The following SEMA3F variants were observed in gnomAD, a reference collection of about 807,000 sequenced individuals.
The protein encoded by SEMA3F is semaphorin-3F.
SEMA3F carries 30 observed loss-of-function variants against 98.5 expected under a neutral mutation model. That is an observed-to-expected ratio of 0.30 (90% CI 0.23 to 0.41). The LOEUF (loss-of-function observed/expected upper bound fraction) is 0.41. Among genes scored for constraint, SEMA3F ranks in the 10% least tolerant of loss-of-function variants. SEMA3F has a pLI of 1.00. For missense variants in SEMA3F, 866 were observed against 1,119.3 expected (o/e 0.77, Z 3.23); for synonymous variants, 380 against 444.8 (o/e 0.85, Z 1.83).
rs1384528892 is a variant in SEMA3F at position 50,187,707 on chromosome 3, T to A, written c.1950T>A (p.Ile650=). Residue 650 remains isoleucine, a splice_region_variant and synonymous_variant, in exon 19 of 19, where the codon ATT becomes ATA. Transcript: ENST00000002829. ...QRDPGDRRRE[I]RAEDRFLRTE... is the part of the protein sequence containing the mutation. ...ACCCCCTCTCCTTGCCCCTGCAGAT[T>A]CGTGCAGAGGACCGCTTCCTGCGCA... 1.9e-6 allele frequency: 3 copies of A among 1,582,470 alleles called. No individual in the cohort carries two copies. The highest frequency in any genetic ancestry group is 2.6e-6 in the Non-Finnish European group (3 of 1,158,808).
intron 2 of SEMA3F, among the ~76,000 whole-genome samples, chr3:50,168,973 G>C (rs1439611618): frequency 6.6e-6 from 1 of 152,190 alleles, no homozygotes; most frequent in Non-Finnish European, 1.5e-5. Flanking sequence ...GAGGTCAGAG[G>C]TCTGAGCTAG....
At chr3:50,164,786 G>A (rs1698340841) in intron 2 of SEMA3F, among the ~76,000 whole-genome samples, 1 of 152,246 alleles carries the variant, frequency 6.6e-6, no homozygotes, top group African/African-American at 2.4e-5. Flanking sequence ...TGTCTTGCTT[G>A]CATCCTGGCC....
At chr3:50,175,705 C>T (rs1406788132) in intron 6 of SEMA3F, among the ~76,000 whole-genome samples, 1 of 140,688 alleles carries the variant, frequency 7.1e-6, no homozygotes, top group Non-Finnish European at 1.6e-5. Context: ...GCTGGGAGAG[C>T]TGGGGCTGGG....
intron 17 of SEMA3F, 25 bp from the exon 18 acceptor site, chr3:50,186,588 T>C (rs763814047): frequency 6.3e-6 from 10 of 1,576,370 alleles, no homozygotes; most frequent in South Asian, 1.1e-5. Flanking sequence ...GATGCTGCTT[T>C]TGCTCAACCC....
At chr3:50,165,803 G>T (rs945557146) in intron 2 of SEMA3F, among the ~76,000 whole-genome samples, 4 of 152,250 alleles carry the variant, frequency 2.6e-5, no homozygotes, top group African/African-American at 9.6e-5. Context: ...CTGCTGGGCA[G>T]CCCCAGGGAG....
chr3:50,183,330 C>T, intron 11 of SEMA3F, 75 bp downstream of exon 11: 2 of 1,604,000 alleles, frequency 1.2e-6, no homozygotes, highest in Non-Finnish European at 1.7e-6. Flanking sequence ...AGAACCCCAG[C>T]CCGGTGGCGA....
At chr3:50,187,559 G>A in intron 18 of SEMA3F, 146 bp from the exon 19 acceptor site, 1 of 529,304 alleles carries the variant, frequency 1.9e-6, no homozygotes, top group Non-Finnish European at 3.2e-6. Flanking sequence ...TCATTATGTA[G>A]AAACTTCATG....
intron 1 of SEMA3F, 34 bp from the exon 2 acceptor site, chr3:50,159,541 C>A: frequency 1.2e-6 from 1 of 806,754 alleles, no homozygotes; most frequent in Non-Finnish European, 2.1e-6. Context: ...CCCCCATCTG[C>A]CTCACACATT....
chr3:50,180,461 C>G (rs562843390), intron 7 of SEMA3F, among the ~76,000 whole-genome samples: 2 of 152,182 alleles, frequency 1.3e-5, no homozygotes, highest in African/African-American at 4.8e-5. Flanking sequence ...TGGCCCATTT[C>G]TAGCTTTTGA....
intron 15 of SEMA3F, 83 bp from the exon 16 acceptor site, chr3:50,185,806 A>G (rs1699190805): frequency 6.2e-7 from 1 of 1,605,922 alleles, no homozygotes; most frequent in African/African-American, 1.3e-5. Flanking sequence ...GGCATGGAAC[A>G]GGGGAGAGGA....
chr3:50,167,857 G>C (rs1049610106), intron 2 of SEMA3F, among the ~76,000 whole-genome samples: 2 of 152,152 alleles, frequency 1.3e-5, no homozygotes, highest in East Asian at 3.9e-4. Context: ...CTGGCCTTCG[G>C]TTCCTCTGCT....
At chr3:50,169,501 C>A (rs1030698005) in intron 2 of SEMA3F, among the ~76,000 whole-genome samples, 2 of 152,192 alleles carry the variant, frequency 1.3e-5, no homozygotes, top group African/African-American at 4.8e-5. Flanking sequence ...CCGGATGTCA[C>A]CCCTCCCAAC....
Position 50,182,916 on chromosome 3 carries a change from G to A in SEMA3F, c.916G>A (p.Gly306Ser). 1 of 1,613,910 alleles carries A rather than the reference G, an allele frequency of 6.2e-7. No homozygotes were observed. The change falls in exon 10 of 19, where the codon GGT (glycine) becomes AGT (serine). Residue 306 changes from glycine to serine, a missense_variant. Transcript: ENST00000002829. The surrounding 1 kb of genome is among the most constrained non-coding windows in gnomAD (Gnocchi z 4.5). The part of the protein sequence containing the change: ...IGRICLNDDG[G>S]HCCLVNKWST... ...CCCCACCCCCCAGAACGATGACGGT[G>A]GTCACTGTTGCCTGGTCAACAAGTG...
Position 50,182,669 on chromosome 3 carries a change from C to T in SEMA3F, c.789C>T (p.Leu263=), listed in dbSNP as rs1228816434. ...LNDPSFIHAE[L]IPDSAERNDD... is the part of the protein sequence containing the mutation. ...ACCCGTCGTTCATCCATGCTGAGCTCATTCCTGACAGTGCGGAGCGCAATG... is the reference window on the plus strand; with the variant it reads ...ACCCGTCGTTCATCCATGCTGAGCTTATTCCTGACAGTGCGGAGCGCAATG... Residue 263 remains leucine (L), a synonymous_variant, in exon 9 of 19, where the codon CTC becomes CTT. Coordinates refer to ENST00000002829, the MANE Select transcript of SEMA3F (RefSeq NM_004186.5). This position sits in a 1 kb window ranked among gnomAD's most constrained non-coding sequence, Gnocchi z 4.5. 6.2e-7 allele frequency: 1 copy of T among 1,613,660 alleles called. No homozygotes were observed. Among genetic ancestry groups the T allele is most frequent in the Non-Finnish European group, 8.5e-7 (1 of 1,179,988 alleles).
At chr3:50,170,728 C>T (rs1229958064) in intron 2 of SEMA3F, among the ~76,000 whole-genome samples, 6 of 152,092 alleles carry the variant, frequency 3.9e-5, no homozygotes, top group Non-Finnish European at 7.4e-5. Context: ...GAAACTCAAG[C>T]CATAGCCAAG....
In SEMA3F at chr3:50,159,631, C is replaced by T. The variant is rs201913041; in HGVS notation, c.9C>T (p.Val3=). Residue 3 remains valine (V), a synonymous_variant, in exon 2 of 19, where the codon GTC becomes GTT. Coordinates refer to ENST00000002829, the MANE Select transcript of SEMA3F (RefSeq NM_004186.5). ...CCTAGGCCCCTCCCACAATGCTTGT[C>T]GCCGGTCTTCTTCTCTGGGCTTCCC... ML[V]AGLLLWASLL... is the part of the protein sequence containing the mutation. The T allele has an allele frequency of 7.5e-6, 12 of 1,607,298 alleles. No homozygotes were observed. The highest frequency in any genetic ancestry group is 9.4e-6 in the Non-Finnish European group (11 of 1,176,084).
rs1699033368 is a variant in SEMA3F at position 50,182,021 on chromosome 3, C to G, written c.644-263C>G. ...TCTTCCTGATTTTGCTTTCAGTGAC[C>G]TCAGGTTGGTAGCTTGAAATTAGTT... On this transcript the variant is annotated intron_variant, in intron 7 of 18. Coordinates refer to ENST00000002829, the MANE Select transcript of SEMA3F (RefSeq NM_004186.5). The surrounding 1 kb of genome is among the most constrained non-coding windows in gnomAD (Gnocchi z 4.5). Among the ~76,000 whole-genome samples, 1 of 152,220 alleles carries G rather than the reference C, an allele frequency of 6.6e-6. No individual in the cohort carries two copies. Among genetic ancestry groups the G allele is most frequent in the Non-Finnish European group, 1.5e-5 (1 of 68,042 alleles).
chr3:50,163,983 C>T (rs913049233), intron 2 of SEMA3F, among the ~76,000 whole-genome samples: 1 of 152,184 alleles, frequency 6.6e-6, no homozygotes, highest in African/African-American at 2.4e-5. Flanking sequence ...TGGAAGTGGC[C>T]GCTTTGGAGT....
intron 6 of SEMA3F, among the ~76,000 whole-genome samples, chr3:50,176,402 G>A (rs1206294747): frequency 3.3e-5 from 5 of 152,218 alleles, no homozygotes; most frequent in African/African-American, 9.6e-5. Flanking sequence ...GCAAAGAGCT[G>A]TGCCTCTGTA....
Sources: allele counts gnomAD v4.1 joint callset (sites outside exome capture counted in the v4.1 genomes callset), GRCh38; gene constraint gnomAD v4.1.1; non-coding constraint Gnocchi (gnomAD v3.1); transcripts MANE v1.5; gene names NCBI Gene and HGNC (gene_info 2026-07-23, HGNC 2026-07-21).